Variants in USP31 observed in about 807,000 individuals in gnomAD.
USP31 encodes ubiquitin carboxyl-terminal hydrolase 31.
Under a neutral mutation model 119.4 loss-of-function variants are expected in USP31, and 44 were observed. The observed-to-expected ratio is 0.37, with a 90% CI of 0.29 to 0.47. The LOEUF (loss-of-function observed/expected upper bound fraction) is 0.47. Among genes scored for constraint, USP31 ranks in the 20% least tolerant of loss-of-function variants. USP31 has a pLI of 0.99. For synonymous variants in USP31, 749 were observed against 705.6 expected (o/e 1.06, Z -0.97); for missense variants, 1,643 against 1,730.2 (o/e 0.95, Z 0.89).
At chr16:23,123,276 G>A (rs1008733480) in intron 1 of USP31, among the ~76,000 whole-genome samples, 4 of 152,154 alleles carry the variant, frequency 2.6e-5, no homozygotes, top group African/African-American at 9.7e-5. Flanking sequence ...GGCAGCTCAC[G>A]CCTGTAATCC....
At position 23,118,589 on chromosome 16, in the gene USP31, T is replaced by C. The variant is rs112399507; in HGVS notation, c.634-10406A>G. On this transcript the variant is annotated intron_variant, in intron 1 of 15. Transcript: ENST00000219689. ...GGAGGCTCCTTTGTCATAAGTGCAT[T>C]ATATGACTTCTTACATTACGTTTTA... 7.8e-3 allele frequency among the ~76,000 whole-genome samples: 1,195 copies of C among 152,322 alleles called. 11 individuals carry two copies. Among genetic ancestry groups the C allele is most frequent in the African/African-American group, 0.026 (1,089 of 41,542 alleles).
chr16:23,108,152 C>T lies in USP31; in HGVS notation c.665G>A (p.Arg222Gln), dbSNP rs776851511. The T allele has an allele frequency of 1.5e-5, 24 of 1,613,558 alleles. No individual in the cohort carries two copies. The highest frequency in any genetic ancestry group is 4.0e-5 in the African/African-American group (3 of 74,870). The change falls in exon 2 of 16, where the codon CGG becomes CAG. Residue 222 changes from arginine to glutamine, a missense_variant. By Grantham distance (43) the Arg-to-Gln change is conservative. Coordinates refer to ENST00000219689, the MANE Select transcript of USP31 (RefSeq NM_020718.4). ...CTGGGCATCATGTTGGGAATTTCCC[C>T]GGTACTGCAGTGCATTCTTTGACAC... ...TIVSKNALQY[R>Q]GNSQHDAQEF...
chr16:23,102,251 A>C, intron 6 of USP31, 68 bp downstream of exon 6: 1 of 1,517,082 alleles, frequency 6.6e-7, no homozygotes, highest in East Asian at 2.3e-5. Flanking sequence ...ATAATAGACA[A>C]CTAAAAAGGT....
chr16:23,115,130 A>G (rs931790073), intron 1 of USP31, among the ~76,000 whole-genome samples: 2 of 152,088 alleles, frequency 1.3e-5, no homozygotes, highest in Non-Finnish European at 2.9e-5. Context: ...TCTTCACCCA[A>G]GCCCTTCTCC....
chr16:23,148,025 T>C, intron 1 of USP31, among the ~76,000 whole-genome samples: 1 of 152,228 alleles, frequency 6.6e-6, no homozygotes, highest in East Asian at 1.9e-4. Flanking sequence ...ATTATCTCGT[T>C]AACTTCTTCA....
Position 23,061,972 on chromosome 16 carries a change from G to T in USP31, c.*6074C>A, listed in dbSNP as rs1899849624. 1.3e-5 allele frequency: 2 copies of T among 152,672 alleles called. No individual in the cohort carries two copies. The highest frequency in any genetic ancestry group is 4.1e-4 in the South Asian group (2 of 4,836). 9.5% of individuals were successfully genotyped at this position (152,672 alleles called of 1,614,324 possible). A position where few individuals can be genotyped will look rare whatever the true frequency, so the allele number is the denominator to read the frequency against. On this transcript the variant is annotated 3_prime_UTR_variant, in exon 16 of 16. Coordinates refer to ENST00000219689, the MANE Select transcript of USP31 (RefSeq NM_020718.4). ...AGAGAACTCCAACTTCGGAAATACT[G>T]TAACTGCTTTTGCATTTGGTATGAC...
intron 1 of USP31, among the ~76,000 whole-genome samples, chr16:23,114,969 T>C (rs1902444345): frequency 1.3e-5 from 2 of 152,148 alleles, no homozygotes; most frequent in African/African-American, 2.4e-5. Context: ...TTAGTATGTA[T>C]CACAGAAAAA....
chr16:23,097,592 C>T (rs1299664708), intron 6 of USP31, among the ~76,000 whole-genome samples: 1 of 149,450 alleles, frequency 6.7e-6, no homozygotes, highest in Non-Finnish European at 1.5e-5. Flanking sequence ...ACTGGCAAAC[C>T]AAATCCAGCA....
intron 1 of USP31, among the ~76,000 whole-genome samples, chr16:23,128,357 T>C (rs1166423756): frequency 4.6e-5 from 7 of 152,108 alleles, no homozygotes; most frequent in Admixed American, 4.6e-4. Context: ...GACTTGAGAG[T>C]CGACTTGTCC....
chr16:23,069,249 T>C lies in USP31; in HGVS notation c.2856A>G (p.Glu952=). 2.5e-6 allele frequency: 4 copies of C among 1,614,094 alleles called. No homozygotes were observed. Among genetic ancestry groups the C allele is most frequent in the Middle Eastern group, 1.6e-4 (1 of 6,062 alleles). The stretch of plus-strand genomic sequence containing the variant: ...TGGAGTTCAATCTGCGGGTGTCCGA[T>C]TCGTCTTTGAACACGCCTTCCATGA... ...LAVMEGVFKD[E]SDTRRLNSSV... is the part of the protein sequence containing the mutation. The change falls in exon 16 of 16, where the codon GAA becomes GAG. Residue 952 remains glutamate, a synonymous_variant. Transcript: ENST00000219689.
intron 1 of USP31, among the ~76,000 whole-genome samples, chr16:23,115,561 T>C (rs549988901): frequency 6.0e-4 from 91 of 152,294 alleles, no homozygotes; most frequent in African/African-American, 2.1e-3. Context: ...AAATTAATCT[T>C]ACATATTTGT....
intron 1 of USP31, among the ~76,000 whole-genome samples, chr16:23,121,021 G>A (rs74012824): frequency 0.012 from 1,785 of 152,192 alleles, 33 homozygotes; most frequent in African/African-American, 0.041. Context: ...CTGAACAGCC[G>A]ATTTTATAAG....
chr16:23,147,857 T>C (rs573864017), intron 1 of USP31, among the ~76,000 whole-genome samples: 2 of 152,272 alleles, frequency 1.3e-5, no homozygotes, highest in South Asian at 4.1e-4. Flanking sequence ...GGCGGGAGGA[T>C]TGCTTGAGCC....
rs1228767068 is a variant in USP31, at chr16:23,148,919, C to G, written c.352G>C (p.Ala118Pro). The G allele has an allele frequency of 6.9e-6, 9 of 1,304,826 alleles. No individual in the cohort carries two copies. The highest frequency in any genetic ancestry group is 3.5e-5 in the Admixed American group (1 of 28,698). The allele number at this position is 1,304,826 out of a possible 1,614,324, so 80.8% of individuals were successfully genotyped here. A position where few individuals can be genotyped will look rare whatever the true frequency, so the allele number is the denominator to read the frequency against. The change falls in exon 1 of 16, where the codon GCT (alanine) becomes CCT (proline). Residue 118 changes from alanine to proline, a missense_variant. Transcript: ENST00000219689. Reference sequence around the variant, plus strand: ...CCGGGCACCGGCTCGGCGGCGCAAGCGGGCGGCGCGGGAGAGGCGGGCGGC... The same window carrying G: ...CCGGGCACCGGCTCGGCGGCGCAAGGGGGCGGCGCGGGAGAGGCGGGCGGC... ...PPPPASPAPPACAAEPVPGVA... is the reference protein window; with the variant it reads ...PPPPASPAPPPCAAEPVPGVA...
At chr16:23,076,849 C>T (rs527310413) in intron 13 of USP31, among the ~76,000 whole-genome samples, 16 of 152,276 alleles carry the variant, frequency 1.1e-4, no homozygotes, top group East Asian at 1.9e-4. Context: ...GTTACAACAC[C>T]GGGTGAGTTG....
At chr16:23,082,723 C>G (rs1900886909) in intron 11 of USP31, among the ~76,000 whole-genome samples, 166 bp from the exon 12 acceptor site, 1 of 152,080 alleles carries the variant, frequency 6.6e-6, no homozygotes, top group Non-Finnish European at 1.5e-5. Flanking sequence ...GAGCTGGCAC[C>G]CAAACTCTAA....
At chr16:23,127,037 A>G (rs2141892651) in intron 1 of USP31, among the ~76,000 whole-genome samples, 1 of 152,368 alleles carries the variant, frequency 6.6e-6, no homozygotes, top group Middle Eastern at 3.4e-3. Context: ...TGTTTTGCAG[A>G]TTTGACTTCA....
rs570577763 is a variant in USP31 at position 23,099,909 on chromosome 16, C to T, written c.1234+2410G>A. Among the ~76,000 whole-genome samples the T allele has an allele frequency of 2.6e-5, 4 of 152,146 alleles. No individual in the cohort carries two copies. The South Asian group carries it at 6.2e-4, about 24-fold the overall frequency. On this transcript the variant is annotated intron_variant, in intron 6 of 15. Transcript: ENST00000219689. The stretch of plus-strand genomic sequence containing the variant: ...TTTTCCAAATATGATATACAAATGG[C>T]CAACAAGCACAAGAAAAGATGCTCA...
At chr16:23,094,065 A>G (rs1467485640) in intron 6 of USP31, among the ~76,000 whole-genome samples, 1 of 152,136 alleles carries the variant, frequency 6.6e-6, no homozygotes, top group Non-Finnish European at 1.5e-5. Flanking sequence ...GGGAAGCTCA[A>G]GGGGTCGGGG....
Sources: allele counts gnomAD v4.1 joint callset (sites outside exome capture counted in the v4.1 genomes callset), GRCh38; gene constraint gnomAD v4.1.1; transcripts MANE v1.5; gene names NCBI Gene and HGNC (gene_info 2026-07-23, HGNC 2026-07-21).